APIP: variants seen among roughly 807,000 people sequenced by gnomAD.
APIP encodes APAF1 interacting protein, also known as methylthioribulose-1-phosphate dehydratase.
Under a neutral mutation model 32.0 loss-of-function variants are expected in APIP, and 32 were observed. The ratio of observed to expected loss-of-function variants is 1.00; its 90% CI spans 0.76 to 1.34. APIP has a LOEUF of 1.34. APIP is among the 40% of genes most tolerant of loss of function. The probability of loss-of-function intolerance (pLI) is 0.00; values close to 1 mark genes in which losing one functional copy is unlikely to be tolerated. For synonymous variants in APIP, 92 were observed against 94.8 expected, an observed-to-expected ratio of 0.97 and a Z score of 0.17; for missense variants, 247 against 298.6, an observed-to-expected ratio of 0.83 and a Z score of 1.27.
chr11:34,912,142 A>G (rs2986418), intron 1 of APIP, among the ~76,000 whole-genome samples: 91,308 of 152,074 alleles, frequency 0.6, 28,465 homozygotes, highest in East Asian at 0.74. Context: ...GATTATTGTC[A>G]TAAGCTGAGT....
At chr11:34,885,706 T>G (rs1189845854) in intron 5 of APIP, among the ~76,000 whole-genome samples, 1 of 152,194 alleles carries the variant, frequency 6.6e-6, no homozygotes, top group African/African-American at 2.4e-5. Context: ...GTGATGTCCC[T>G]CAGCAAACCT....
chr11:34,891,329 A>C (rs146109294), intron 2 of APIP, among the ~76,000 whole-genome samples: 49 of 152,286 alleles, frequency 3.2e-4, no homozygotes, highest in Non-Finnish European at 6.6e-4. Flanking sequence ...ACAACAACTA[A>C]ACAAACGTCC....
At chr11:34,883,682 A>C (rs1413999493) in intron 5 of APIP, among the ~76,000 whole-genome samples, 178 bp from the exon 6 acceptor site, 3 of 152,294 alleles carry the variant, frequency 2.0e-5, no homozygotes, top group Admixed American at 2.0e-4. Flanking sequence ...CATCTCTATC[A>C]AAAGGTACCT....
chr11:34,908,712 T>A (rs146911935), intron 1 of APIP, among the ~76,000 whole-genome samples: 1 of 152,224 alleles, frequency 6.6e-6, no homozygotes, highest in Non-Finnish European at 1.5e-5. Context: ...ACACCAGTAG[T>A]CTGTTCTATG....
intron 1 of APIP, among the ~76,000 whole-genome samples, chr11:34,913,648 C>T (rs1013043936): frequency 4.6e-5 from 7 of 152,080 alleles, no homozygotes; most frequent in African/African-American, 9.7e-5. Context: ...TTGTGAAGAG[C>T]GAAAAAACAA....
chr11:34,883,278 T>G lies in APIP; in HGVS notation c.629+59A>C. The G allele has an allele frequency of 2.0e-6, 3 of 1,499,862 alleles. No individual in the cohort carries two copies. The South Asian group carries it at 4.0e-5, about 20-fold the overall frequency. The allele number at this position is 1,499,862 out of a possible 1,614,324, so 92.9% of individuals were successfully genotyped here. A position where few individuals can be genotyped will look rare whatever the true frequency, so the allele number is the denominator to read the frequency against. On this transcript the variant is annotated intron_variant, in intron 6 of 6. Transcript: ENST00000395787. Reference sequence around the variant, plus strand: ...AATTTAAACCAACTGACATACTTTGTTTTCCTTCACATTTAGCGGGTGGTA... The same window carrying G: ...AATTTAAACCAACTGACATACTTTGGTTTCCTTCACATTTAGCGGGTGGTA...
intron 1 of APIP, among the ~76,000 whole-genome samples, chr11:34,904,913 A>C (rs1181169004): frequency 6.6e-6 from 1 of 152,236 alleles, no homozygotes; most frequent in Non-Finnish European, 1.5e-5. Context: ...AAGTAACTGA[A>C]TGAAAACTAC....
chr11:34,909,176 G>A (rs1853503086), intron 1 of APIP, among the ~76,000 whole-genome samples: 1 of 152,050 alleles, frequency 6.6e-6, no homozygotes, highest in Non-Finnish European at 1.5e-5. Context: ...AGGCTTCAAA[G>A]ACTCCCAAGT....
intron 1 of APIP, among the ~76,000 whole-genome samples, chr11:34,908,821 A>T (rs115626964): frequency 0.01 from 1,547 of 152,326 alleles, 33 homozygotes; most frequent in African/African-American, 0.034. Flanking sequence ...AATGCTTAGT[A>T]GCTGGAAGTG....
intron 1 of APIP, among the ~76,000 whole-genome samples, chr11:34,895,360 C>A (rs904227037): frequency 1.3e-5 from 2 of 152,160 alleles, no homozygotes; most frequent in African/African-American, 4.8e-5. Context: ...GAACAGGCTG[C>A]AAAAACAAGG....
At chr11:34,888,011 C>G (rs1411884584) in intron 5 of APIP, among the ~76,000 whole-genome samples, 1 of 152,062 alleles carries the variant, frequency 6.6e-6, no homozygotes, top group Non-Finnish European at 1.5e-5. Flanking sequence ...CATAATCTTT[C>G]CATCATGATA....
rs747297560 is a variant in APIP, at chr11:34,888,383, G to C, written c.371C>G (p.Ala124Gly). 1.2e-6 allele frequency: 2 copies of C among 1,610,960 alleles called. No homozygotes were observed. Among genetic ancestry groups the C allele is most frequent in the East Asian group, 4.5e-5 (2 of 44,788 alleles). The change falls in exon 5 of 7, where the codon GCC becomes GGC. Residue 124 changes from alanine (A) to glycine (G), a missense_variant. Coordinates refer to ENST00000395787, the MANE Select transcript of APIP (RefSeq NM_015957.4). The part of the protein sequence containing the change: ...IHTHSKAAVM[A>G]TLLFPGREFK... ...CTCCCGTCCTGGAAAGAGAAGTGTG[G>C]CCATCACAGCAGCTTTAGAGTGGGT...
rs61105538 is a variant in APIP, at chr11:34,909,575, G to T, written c.57+6653C>A. ...CAAGGTTTTGTGTTGAGAGAGGCAAGTACTCCAGGCAGAGGAAACAGCAGG... is the reference window on the plus strand; with the variant it reads ...CAAGGTTTTGTGTTGAGAGAGGCAATTACTCCAGGCAGAGGAAACAGCAGG... On this transcript the variant is annotated intron_variant, in intron 1 of 6. Transcript: ENST00000395787. 2.9e-3 allele frequency among the ~76,000 whole-genome samples: 442 copies of T among 152,228 alleles called. 2 individuals carry two copies. Among genetic ancestry groups the T allele is most frequent in the African/African-American group, 0.01 (428 of 41,522 alleles).
At chr11:34,883,590 G>T in intron 5 of APIP, 86 bp from the exon 6 acceptor site, 1 of 1,385,402 alleles carries the variant, frequency 7.2e-7, no homozygotes, top group South Asian at 1.4e-5. Flanking sequence ...CAAGTAACCA[G>T]TTAGACATGC....
In APIP at chr11:34,890,512, G is replaced by A. The variant is rs138288686; in HGVS notation, c.199C>T (p.Arg67Ter). 2.3e-3 allele frequency: 3,730 copies of A among 1,608,956 alleles called. 15 individuals are homozygous for A. Among genetic ancestry groups the A allele is most frequent in the Non-Finnish European group, 2.5e-3 (2,914 of 1,177,534 alleles). The change falls in exon 3 of 7, where the codon CGA (arginine) becomes TGA (stop). Residue 67 changes from arginine (R) to a stop codon, truncating the protein, a stop_gained. Transcript: ENST00000395787. LOFTEE classifies it high-confidence loss of function. The part of the protein sequence containing the change: ...YIAPSGVQKE[R>*]IQPEDMFVCD... ...GAATCCCATTACCATACCTGAATTC[G>A]TTCCTTTTGCACTCCTGAAGGAGCA...
At position 34,890,565 on chromosome 11, in the gene APIP, A is replaced by G. The variant is rs914971196; in HGVS notation, c.159-13T>C. On this transcript the variant is annotated splice_polypyrimidine_tract_variant and intron_variant, in intron 2 of 6. Transcript: ENST00000395787. The stretch of plus-strand genomic sequence containing the variant: ...GTAGATTTCATCGCTGGCAACACAA[A>G]ACATACAAATTGGTATTTATTTATT... 1 of 1,608,932 alleles carries G rather than the reference A, an allele frequency of 6.2e-7. No homozygotes were observed. The highest frequency in any genetic ancestry group is 8.5e-7 in the Non-Finnish European group (1 of 1,177,362).
chr11:34,894,070 T>G (rs1369983457), intron 2 of APIP, among the ~76,000 whole-genome samples: 1 of 152,186 alleles, frequency 6.6e-6, no homozygotes, highest in African/African-American at 2.4e-5. Context: ...TGAATGAGAT[T>G]CTATAATCTT....
chr11:34,883,537 A>G, intron 5 of APIP, 33 bp from the exon 6 acceptor site: 1 of 1,602,390 alleles, frequency 6.2e-7, no homozygotes, highest in East Asian at 2.2e-5. Flanking sequence ...TTTTTCCATT[A>G]AAACAAATCA....
Position 34,916,326 on chromosome 11 carries a change from G to A in APIP, c.-42C>T. 1 of 1,606,172 alleles carries A rather than the reference G, an allele frequency of 6.2e-7. No homozygotes were observed. The highest frequency in any genetic ancestry group is 8.5e-7 in the Non-Finnish European group (1 of 1,176,538). Reference sequence around the variant, plus strand: ...CCGCGCGGCCTCCAATCTCCGCACGGCTTTGCGCGCGGCGCTTAGCCTGGG... The same window carrying A: ...CCGCGCGGCCTCCAATCTCCGCACGACTTTGCGCGCGGCGCTTAGCCTGGG... On this transcript the variant is annotated 5_prime_UTR_variant, in exon 1 of 7. Coordinates refer to ENST00000395787, the MANE Select transcript of APIP (RefSeq NM_015957.4).
Sources: allele counts gnomAD v4.1 joint callset (sites outside exome capture counted in the v4.1 genomes callset), GRCh38; gene constraint gnomAD v4.1.1; transcripts MANE v1.5; gene names NCBI Gene and HGNC (gene_info 2026-07-23, HGNC 2026-07-21).